The following STAT1 variants were observed in gnomAD, a reference collection of about 807,000 sequenced individuals.
STAT1 encodes the protein signal transducer and activator of transcription 1, also known as signal transducer and activator of transcription 1-alpha/beta.
STAT1 carries 24 observed loss-of-function variants against 111.7 expected under a neutral mutation model. The observed-to-expected ratio is 0.21, with a 90% CI of 0.16 to 0.30. The LOEUF (loss-of-function observed/expected upper bound fraction) is 0.30. STAT1 is among the 10% of genes least tolerant of loss of function. The pLI is 1.00. For synonymous variants in STAT1, 332 were observed against 326.5 expected (o/e 1.02, Z -0.18); for missense variants, 351 against 911.9 (o/e 0.38, Z 7.92).
In STAT1 at chr2:190,969,622, AAC is replaced by A. The variant is rs1197874166; in HGVS notation, c.*1079_*1080del. The A allele has an allele frequency of 2.0e-5, 3 of 152,246 alleles. No homozygotes were observed. Among genetic ancestry groups the A allele is most frequent in the South Asian group, 2.1e-4 (1 of 4,834 alleles). 9.4% of individuals were successfully genotyped at this position (152,246 alleles called of 1,614,324 possible). On this transcript the variant is annotated 3_prime_UTR_variant, in exon 25 of 25. Transcript: ENST00000361099. ...AATGGAACCATTCGCAAATGTGAAA[AAC>A]ACATATATCAGCGAAACATATGCAG...
At chr2:191,001,610 A>C (rs1694275003) in intron 5 of STAT1, among the ~76,000 whole-genome samples, 1 of 152,242 alleles carries the variant, frequency 6.6e-6, no homozygotes, top group African/African-American at 2.4e-5. Context: ...GGCAATCAGA[A>C]AACCCTATTT....
At chr2:190,991,718 T>C (rs1197380113) in intron 10 of STAT1, among the ~76,000 whole-genome samples, 2 of 151,746 alleles carry the variant, frequency 1.3e-5, no homozygotes, top group African/African-American at 4.8e-5. Flanking sequence ...TTTTTTTAAT[T>C]AGCCAGGCGT....
rs41514553 is a variant in STAT1, at chr2:191,006,862, G to A, written c.372+701C>T. ...GTTTGATGCCTTGAATATTTAATAG[G>A]TATCTTGATGTTGCTCAAAACAAAG... On this transcript the variant is annotated intron_variant, in intron 5 of 24. Transcript: ENST00000361099. This position sits in a 1 kb window ranked among gnomAD's most constrained non-coding sequence, Gnocchi z 4.6. Among the ~76,000 whole-genome samples, 1,321 of 152,198 alleles carry A rather than the reference G, an allele frequency of 8.7e-3. 21 individuals are homozygous for A. The highest frequency in any genetic ancestry group is 0.03 in the African/African-American group (1,245 of 41,490).
At chr2:191,010,042 T>C (rs769465475) in intron 2 of STAT1, 38 bp from the exon 3 acceptor site, 33 of 1,611,738 alleles carry the variant, frequency 2.0e-5, no homozygotes, top group Middle Eastern at 1.7e-4. Flanking sequence ...TCTATGTATA[T>C]GGAAACCATA....
Position 190,974,252 on chromosome 2 carries a change from T to C in STAT1, c.2238+578A>G, listed in dbSNP as rs114924887. Among the ~76,000 whole-genome samples, 325 of 152,268 alleles carry C rather than the reference T, an allele frequency of 2.1e-3. 4 individuals carry two copies. In the South Asian group the frequency reaches 0.026, roughly 12 times the overall value. On this transcript the variant is annotated intron_variant, in intron 24 of 24. Coordinates refer to ENST00000361099, the MANE Select transcript of STAT1 (RefSeq NM_007315.4). This position sits in a 1 kb window ranked among gnomAD's most constrained non-coding sequence, Gnocchi z 4.8. ...AGATGTTCCCTTTTGTGGACAATCA[T>C]ATTCCCATTTCTATCACGAATCTCA...
At chr2:191,001,029 T>TAGGGG (rs1441396838) in intron 6 of STAT1, 45 bp downstream of exon 6, 18 of 1,479,928 alleles carry the variant, frequency 1.2e-5, no homozygotes, top group Non-Finnish European at 1.6e-5. Flanking sequence ...TTTTTTCCCC[T>TAGGGG]ACAGAAAGTT....
Position 190,980,487 on chromosome 2 carries a change from C to G in STAT1, c.1632+133G>C. 2 of 1,058,574 alleles carry G rather than the reference C, an allele frequency of 1.9e-6. No homozygotes were observed. The highest frequency in any genetic ancestry group is 4.8e-5 in the East Asian group (2 of 41,672). The allele number at this position is 1,058,574 out of a possible 1,614,324, so 65.6% of individuals were successfully genotyped here. On this transcript the variant is annotated intron_variant, in intron 19 of 24. Transcript: ENST00000361099. This position sits in a 1 kb window ranked among gnomAD's most constrained non-coding sequence, Gnocchi z 6.1. Reference sequence around the variant, plus strand: ...ACTGAAGAAAAGTAAACAACTTGCCCGAGGGGCTCCTTGGCCAGAGAAGAA... The same window carrying G: ...ACTGAAGAAAAGTAAACAACTTGCCGGAGGGGCTCCTTGGCCAGAGAAGAA...
chr2:190,986,772 G>A lies in STAT1; in HGVS notation c.1221+82C>T. On this transcript the variant is annotated intron_variant, in intron 14 of 24. Coordinates refer to ENST00000361099, the MANE Select transcript of STAT1 (RefSeq NM_007315.4). This position sits in a 1 kb window ranked among gnomAD's most constrained non-coding sequence, Gnocchi z 5.0. ...CCAGCAGGGGGGCGTCCTCCACATG[G>A]CAATGTGCCAAAAAGGGCTGCTCTA... 1 of 1,344,778 alleles carries A rather than the reference G, an allele frequency of 7.4e-7. No homozygotes were observed. Among genetic ancestry groups the A allele is most frequent in the Non-Finnish European group, 1.1e-6 (1 of 935,498 alleles). 83.3% of individuals were successfully genotyped at this position (1,344,778 alleles called of 1,614,324 possible).
At position 191,006,231 on chromosome 2, in the gene STAT1, A is replaced by G. The variant is rs117385084; in HGVS notation, c.372+1332T>C. Among the ~76,000 whole-genome samples the G allele has an allele frequency of 2.0e-4, 31 of 152,274 alleles. No homozygotes were observed. The East Asian group carries it at 6.0e-3, about 29-fold the overall frequency. ...CCATATAATCAAAACTGCCGGCTGA[A>G]AATCTCCCAGGTATATGCCAGGTTA... On this transcript the variant is annotated intron_variant, in intron 5 of 24. Coordinates refer to ENST00000361099, the MANE Select transcript of STAT1 (RefSeq NM_007315.4). The surrounding 1 kb of genome is among the most constrained non-coding windows in gnomAD (Gnocchi z 4.6).
rs377158687 is a variant in STAT1, at chr2:191,003,473, T to A, written c.373-2310A>T. Among the ~76,000 whole-genome samples, 84 of 152,338 alleles carry A rather than the reference T, an allele frequency of 5.5e-4. No homozygotes were observed. The highest frequency in any genetic ancestry group is 3.4e-3 in the Middle Eastern group (1 of 294). On this transcript the variant is annotated intron_variant, in intron 5 of 24. Coordinates refer to ENST00000361099, the MANE Select transcript of STAT1 (RefSeq NM_007315.4). The surrounding 1 kb of genome is among the most constrained non-coding windows in gnomAD (Gnocchi z 4.0). Reference sequence around the variant, plus strand: ...TGGGGCCTGGTGGAAGGTGACTGGATCACGGGGACAGTTTCTCATGAATAG... The same window carrying A: ...TGGGGCCTGGTGGAAGGTGACTGGAACACGGGGACAGTTTCTCATGAATAG...
At chr2:190,992,229 A>G (rs1219836788) in intron 10 of STAT1, among the ~76,000 whole-genome samples, 1 of 152,318 alleles carries the variant, frequency 6.6e-6, no homozygotes, top group East Asian at 1.9e-4. Flanking sequence ...ATAACATCTC[A>G]CTAAACTTTA....
Position 190,997,975 on chromosome 2 carries a change from A to G in STAT1, c.666T>C (p.Asn222=), listed in dbSNP as rs773130654. 4 of 1,614,268 alleles carry G rather than the reference A, an allele frequency of 2.5e-6. No homozygotes were observed. Among genetic ancestry groups the G allele is most frequent in the Non-Finnish European group, 3.4e-6 (4 of 1,180,050 alleles). The change falls in exon 9 of 25, where the codon AAT becomes AAC. Residue 222 remains asparagine, a synonymous_variant. Transcript: ENST00000361099. This position sits in a 1 kb window ranked among gnomAD's most constrained non-coding sequence, Gnocchi z 7.3. The stretch of plus-strand genomic sequence containing the variant: ...GGGCATTCTGGGTAAGTTCAGTGAC[A>G]TTCAGCAACTCTATTATTTTGTGAA... ...EVVHKIIELL[N]VTELTQNALI... is the part of the protein sequence containing the mutation.
In STAT1 at chr2:190,993,326, T is replaced by C; in HGVS notation, c.944+1735A>G. 1.2e-6 allele frequency: 1 copy of C among 811,286 alleles called. No homozygotes were observed. The highest frequency in any genetic ancestry group is 2.1e-6 in the Non-Finnish European group (1 of 478,020). The allele number at this position is 811,286 out of a possible 1,614,324, so 50.3% of individuals were successfully genotyped here. ...CACTAGGATGCCATTGGCTCCTCTGTAATAACTGGAGATGACTGTTCGAAA... is the reference window on the plus strand; with the variant it reads ...CACTAGGATGCCATTGGCTCCTCTGCAATAACTGGAGATGACTGTTCGAAA... On this transcript the variant is annotated intron_variant, in intron 10 of 24. Coordinates refer to ENST00000361099, the MANE Select transcript of STAT1 (RefSeq NM_007315.4). The surrounding 1 kb of genome is among the most constrained non-coding windows in gnomAD (Gnocchi z 4.1).
Position 190,975,465 on chromosome 2 carries a change from C to A in STAT1, c.2135+347G>T. 2 of 953,254 alleles carry A rather than the reference C, an allele frequency of 2.1e-6. No homozygotes were observed. Among genetic ancestry groups the A allele is most frequent in the South Asian group, 1.4e-5 (1 of 72,976 alleles). 59.0% of individuals were successfully genotyped at this position (953,254 alleles called of 1,614,324 possible). A position where few individuals can be genotyped will look rare whatever the true frequency, so the allele number is the denominator to read the frequency against. On this transcript the variant is annotated intron_variant, in intron 23 of 24. Transcript: ENST00000361099. The surrounding 1 kb of genome is among the most constrained non-coding windows in gnomAD (Gnocchi z 5.9). ...ATAAAATGAAACAACAAAATCAAAG[C>A]AAGTGGAGACAGTGTATCTCAATCA...
In STAT1 at chr2:190,980,896, G is replaced by A. The variant is rs913020973; in HGVS notation, c.1583-227C>T. On this transcript the variant is annotated intron_variant, in intron 18 of 24. Coordinates refer to ENST00000361099, the MANE Select transcript of STAT1 (RefSeq NM_007315.4). The surrounding 1 kb of genome is among the most constrained non-coding windows in gnomAD (Gnocchi z 6.1). ...AATGGTCTAAAATATGTATATGTTGGTTTGAGTTTAATGGCAGAAAGGAAT... is the reference window on the plus strand; with the variant it reads ...AATGGTCTAAAATATGTATATGTTGATTTGAGTTTAATGGCAGAAAGGAAT... Among the ~76,000 whole-genome samples, 2 of 152,186 alleles carry A rather than the reference G, an allele frequency of 1.3e-5. No homozygotes were observed. The highest frequency in any genetic ancestry group is 4.8e-5 in the African/African-American group (2 of 41,438).
chr2:190,980,007 C>T lies in STAT1; in HGVS notation c.1633-141G>A, dbSNP rs1446302072. 6 of 678,282 alleles carry T rather than the reference C, an allele frequency of 8.8e-6. No homozygotes were observed. The highest frequency in any genetic ancestry group is 1.6e-5 in the Non-Finnish European group (6 of 377,624). 42.0% of individuals were successfully genotyped at this position (678,282 alleles called of 1,614,324 possible). A position where few individuals can be genotyped will look rare whatever the true frequency, so the allele number is the denominator to read the frequency against. ...TTCAGCACAGCAATGGGATCCCTCC[C>T]CTGGCAGGGAATATCAAGTTCCCTC... On this transcript the variant is annotated intron_variant, in intron 19 of 24. Coordinates refer to ENST00000361099, the MANE Select transcript of STAT1 (RefSeq NM_007315.4). This position sits in a 1 kb window ranked among gnomAD's most constrained non-coding sequence, Gnocchi z 6.1.
In STAT1 at chr2:190,975,605, A is replaced by T; in HGVS notation, c.2135+207T>A. ...AGTTTTGGGAAAATTTATATACCTT[A>T]AATACAAATTTGGTTTTTGGCTTTT... On this transcript the variant is annotated intron_variant, in intron 23 of 24. Coordinates refer to ENST00000361099, the MANE Select transcript of STAT1 (RefSeq NM_007315.4). The surrounding 1 kb of genome is among the most constrained non-coding windows in gnomAD (Gnocchi z 5.9). 1.4e-6 allele frequency: 2 copies of T among 1,434,280 alleles called. No individual in the cohort carries two copies. The highest frequency in any genetic ancestry group is 2.9e-5 in the Admixed American group (1 of 34,976). The allele number at this position is 1,434,280 out of a possible 1,614,324, so 88.8% of individuals were successfully genotyped here.
Position 190,984,426 on chromosome 2 carries a change from T to A in STAT1, c.1264-33A>T. On this transcript the variant is annotated intron_variant, in intron 15 of 24. Transcript: ENST00000361099. This position sits in a 1 kb window ranked among gnomAD's most constrained non-coding sequence, Gnocchi z 5.2. Reference sequence around the variant, plus strand: ...GAGAAAAGGAAAGAAGAAAAGAATATAATTATTCACAGATCCTAAAACTTT... The same window carrying A: ...GAGAAAAGGAAAGAAGAAAAGAATAAAATTATTCACAGATCCTAAAACTTT... The A allele has an allele frequency of 6.4e-7, 1 of 1,551,342 alleles. No individual in the cohort carries two copies. Among genetic ancestry groups the A allele is most frequent in the Middle Eastern group, 1.7e-4 (1 of 5,948 alleles).
chr2:191,013,963 G>A (rs1695345158), intron 1 of STAT1, 55 bp downstream of exon 1: 1 of 287,152 alleles, frequency 3.5e-6, no homozygotes, highest in South Asian at 1.7e-4. Context: ...CACGGCCCGA[G>A]GACTCTGTCC....
Sources: allele counts gnomAD v4.1 joint callset (sites outside exome capture counted in the v4.1 genomes callset), GRCh38; gene constraint gnomAD v4.1.1; non-coding constraint Gnocchi (gnomAD v3.1); transcripts MANE v1.5; gene names NCBI Gene and HGNC (gene_info 2026-07-23, HGNC 2026-07-21).